Variants in BRAF observed in about 807,000 individuals in gnomAD.
BRAF encodes serine/threonine-protein kinase B-raf.
Under a neutral mutation model 104.6 loss-of-function variants are expected in BRAF, and 16 were observed. That is an observed-to-expected ratio of 0.15 (90% CI 0.10 to 0.23). The LOEUF is 0.23. BRAF is among the 10% of genes least tolerant of loss of function. The probability of loss-of-function intolerance (pLI) is 1.00; values close to 1 mark genes in which losing one functional copy is unlikely to be tolerated. For synonymous variants in BRAF, 310 were observed against 341.6 expected (o/e 0.91, Z 1.02); for missense variants, 541 against 937.3 (o/e 0.58, Z 5.52).
chr7:140,733,585 T>C (rs187598683), intron 19 of BRAF: 9 of 152,310 alleles, frequency 5.9e-5, no homozygotes, highest in Admixed American at 5.9e-4. Context: ...GAGAAGAGCA[T>C]TCATTCATCA....
chr7:140,813,061 TA>T (rs918915636), intron 3 of BRAF, among the ~76,000 whole-genome samples: 14 of 151,126 alleles, frequency 9.3e-5, no homozygotes, highest in South Asian at 2.1e-4. Flanking sequence ...TACATAAAGC[TA>T]AAAAAAAACT....
intron 1 of BRAF, among the ~76,000 whole-genome samples, chr7:140,876,671 C>T (rs1421782996): frequency 6.6e-6 from 1 of 152,052 alleles, no homozygotes; most frequent in Non-Finnish European, 1.5e-5. Context: ...ACTTACAGAA[C>T]ATTACAAATA....
intron 1 of BRAF, among the ~76,000 whole-genome samples, chr7:140,878,748 G>A (rs1415765589): frequency 1.3e-5 from 2 of 152,184 alleles, no homozygotes; most frequent in Non-Finnish European, 2.9e-5. Flanking sequence ...GAACTGTAAT[G>A]TTTCCAGCAC....
intron 14 of BRAF, among the ~76,000 whole-genome samples, chr7:140,768,551 G>T (rs1799547176): frequency 6.6e-6 from 1 of 152,056 alleles, no homozygotes; most frequent in African/African-American, 2.4e-5. Context: ...GGAGTGCAGT[G>T]GACTCAATCA....
chr7:140,840,626 AC>A (rs1262101009), intron 2 of BRAF, among the ~76,000 whole-genome samples: 1 of 151,768 alleles, frequency 6.6e-6, no homozygotes, highest in Non-Finnish European at 1.5e-5. Context: ...CCCCATCTCT[AC>A]AAAAAATACA....
At position 140,839,879 on chromosome 7, in the gene BRAF, G is replaced by GT. The variant is rs199595960; in HGVS notation, c.241-5008dup. On this transcript the variant is annotated intron_variant, in intron 2 of 19. Transcript: ENST00000644969. Reference sequence around the variant, plus strand: ...ACCCGTCAGGAAGTTGCCTCAAGAGGTAATAGTTGATCTACAACCAAAAGT... The same window carrying GT: ...ACCCGTCAGGAAGTTGCCTCAAGAGGTTAATAGTTGATCTACAACCAAAAGT... 9.1e-3 allele frequency among the ~76,000 whole-genome samples: 1,392 copies of GT among 152,298 alleles called. 11 individuals carry two copies. The highest frequency in any genetic ancestry group is 0.014 in the Non-Finnish European group (924 of 68,028).
At chr7:140,772,268 TAACTACAACAACAACAACAACAAC>T (rs1799920945) in intron 14 of BRAF, among the ~76,000 whole-genome samples, 1 of 103,450 alleles carries the variant, frequency 9.7e-6, no homozygotes, top group Non-Finnish European at 1.9e-5. Context: ...ACAGATTGTT[TAACTACAACAACAACAACAACAAC>T]AACAACAACA....
At chr7:140,867,031 A>G (rs1185826213) in intron 1 of BRAF, among the ~76,000 whole-genome samples, 1 of 151,224 alleles carries the variant, frequency 6.6e-6, no homozygotes, top group Non-Finnish European at 1.5e-5. Flanking sequence ...AGATTGCTCC[A>G]GCTTTCAATT....
intron 17 of BRAF, chr7:140,747,567 A>G (rs1461329841): frequency 3.0e-6 from 1 of 329,046 alleles, no homozygotes; most frequent in Non-Finnish European, 5.5e-6. Context: ...GTATTCACTG[A>G]CAAATGAATT....
At position 140,905,611 on chromosome 7, in the gene BRAF, C is replaced by T. The variant is rs957893229; in HGVS notation, c.138+18955G>A. Among the ~76,000 whole-genome samples, 37 of 152,032 alleles carry T rather than the reference C, an allele frequency of 2.4e-4. 1 individual carries two copies. The highest frequency in any genetic ancestry group is 8.2e-4 in the African/African-American group (34 of 41,378). ...TGGCTTTTAACTGAATAATTTAATC[C>T]ATTTTGTATTTAATGTAGCTGGTGA... On this transcript the variant is annotated intron_variant, in intron 1 of 19. Coordinates refer to ENST00000644969, the MANE Select transcript of BRAF (RefSeq NM_001374258.1).
At chr7:140,857,643 C>T (rs1475795477) in intron 1 of BRAF, among the ~76,000 whole-genome samples, 1 of 152,120 alleles carries the variant, frequency 6.6e-6, no homozygotes, top group Non-Finnish European at 1.5e-5. Flanking sequence ...AACAACAACA[C>T]AATGACTACA....
chr7:140,765,600 C>A (rs1799232948), intron 14 of BRAF, among the ~76,000 whole-genome samples: 1 of 151,948 alleles, frequency 6.6e-6, no homozygotes, highest in South Asian at 2.1e-4. Flanking sequence ...AACAAATTTA[C>A]AAGAAAAAAA....
chr7:140,882,083 T>TA (rs1234535258), intron 1 of BRAF, among the ~76,000 whole-genome samples: 41 of 151,950 alleles, frequency 2.7e-4, no homozygotes, highest in Admixed American at 2.1e-3. Context: ...CTTCAATTTG[T>TA]AAAAAAAACC....
rs1057519719 is a variant in BRAF, at chr7:140,781,593, T to C, written c.1535A>G (p.Tyr512Cys). 1 of 1,613,916 alleles carries C rather than the reference T, an allele frequency of 6.2e-7. No homozygotes were observed. Among genetic ancestry groups the C allele is most frequent in the Non-Finnish European group, 8.5e-7 (1 of 1,179,810 alleles). Reference sequence around the variant, plus strand: ...ATACTTACCATGCCACTTTCCCTTGTAGACTGTTCCAAATGATCCAGATCC... The same window carrying C: ...ATACTTACCATGCCACTTTCCCTTGCAGACTGTTCCAAATGATCCAGATCC... ...RIGSGSFGTV[Y>C]KGKWHGDVAV... The change falls in exon 12 of 20, where the codon TAC (tyrosine) becomes TGC (cysteine). Residue 512 changes from tyrosine to cysteine, a missense_variant. Around this residue, in one of 10 missense-constraint regions of BRAF, gnomAD observed 109 missense variants for 143.9 expected, o/e 0.76. Coordinates refer to ENST00000644969, the MANE Select transcript of BRAF (RefSeq NM_001374258.1).
At chr7:140,747,297 T>C (rs998890827) in intron 17 of BRAF, 5 of 866,870 alleles carry the variant, frequency 5.8e-6, no homozygotes, top group African/African-American at 5.5e-5. Flanking sequence ...CTTAACTTGG[T>C]TTCAGACTAG....
chr7:140,880,489 T>A (rs1021931730), intron 1 of BRAF, among the ~76,000 whole-genome samples: 1 of 152,142 alleles, frequency 6.6e-6, no homozygotes, highest in Admixed American at 6.5e-5. Context: ...TCTTCCAAAC[T>A]CCTGTTAATG....
intron 1 of BRAF, among the ~76,000 whole-genome samples, chr7:140,858,058 T>C (rs1562999076): frequency 6.6e-6 from 1 of 152,096 alleles, no homozygotes; most frequent in African/African-American, 2.4e-5. Flanking sequence ...TGCCAGCTAA[T>C]ATAAAATAAT....
chr7:140,891,238 A>G (rs1296366500), intron 1 of BRAF, among the ~76,000 whole-genome samples: 1 of 152,196 alleles, frequency 6.6e-6, no homozygotes, highest in Non-Finnish European at 1.5e-5. Context: ...TAAATTCTAA[A>G]GGATGAGTAA....
At chr7:140,763,435 C>T (rs1163556183) in intron 14 of BRAF, among the ~76,000 whole-genome samples, 8 of 151,782 alleles carry the variant, frequency 5.3e-5, no homozygotes, top group Admixed American at 1.3e-4. Context: ...CCTCACCTCC[C>T]GGACGAGGCA....
Sources: allele counts gnomAD v4.1 joint callset (sites outside exome capture counted in the v4.1 genomes callset), GRCh38; gene constraint gnomAD v4.1.1; regional missense constraint gnomAD v4.1.1; transcripts MANE v1.5; gene names NCBI Gene and HGNC (gene_info 2026-07-23, HGNC 2026-07-21).